The following FRMD6 variants were observed in gnomAD, a reference collection of about 807,000 sequenced individuals.
FRMD6 encodes FERM domain containing 6.
Under a neutral mutation model 73.2 loss-of-function variants are expected in FRMD6, and 37 were observed. That is an observed-to-expected ratio of 0.51 (90% CI 0.39 to 0.66). The LOEUF is 0.66. Among genes scored for constraint, FRMD6 ranks in the 30% least tolerant of loss-of-function variants. FRMD6 has a pLI of 0.00. For synonymous variants in FRMD6, 273 were observed against 282.2 expected (o/e 0.97, Z 0.33); for missense variants, 714 against 780.5 (o/e 0.91, Z 1.02).
In FRMD6 at chr14:51,638,690, T is replaced by A. The variant is rs553053183; in HGVS notation, c.-146-51001T>A. The stretch of plus-strand genomic sequence containing the variant: ...TGAAGGACAAAAGCTGAGTTGCAGA[T>A]GGAATGTAGAGGGGTGTAGCAACCT... On this transcript the variant is annotated intron_variant, in intron 2 of 14. Transcript: ENST00000356218. Among the ~76,000 whole-genome samples, 7 of 152,320 alleles carry A rather than the reference T, an allele frequency of 4.6e-5. No individual in the cohort carries two copies. In the South Asian group the frequency reaches 8.3e-4, roughly 18 times the overall value.
chr14:51,482,133 T>C, the FRMD6 span, among the ~76,000 whole-genome samples: 1 of 152,222 alleles, frequency 6.6e-6, no homozygotes, highest in Non-Finnish European at 1.5e-5. Context: ...CTCAACTTGA[T>C]TAGTGTTTTC....
the FRMD6 span, among the ~76,000 whole-genome samples, chr14:51,433,110 A>G: frequency 2.0e-5 from 3 of 152,220 alleles, no homozygotes; most frequent in African/African-American, 7.2e-5. Context: ...AGCTGGTACA[A>G]CCTTTTAAAA....
At chr14:51,421,880 C>T in the FRMD6 span, among the ~76,000 whole-genome samples, 1 of 152,184 alleles carries the variant, frequency 6.6e-6, no homozygotes, top group South Asian at 2.1e-4. Flanking sequence ...TCCCCTTGCT[C>T]TGGTGGCACT....
chr14:51,551,800 T>TAAATGCATATAATATA (rs1428131620), intron 1 of FRMD6, among the ~76,000 whole-genome samples: 1 of 151,726 alleles, frequency 6.6e-6, no homozygotes, highest in African/African-American at 2.4e-5. Context: ...AATATACAAA[T>TAAATGCATATAATATA]AAATGCATAT....
rs544686766 is a variant in FRMD6, at chr14:51,630,626, A to C, written c.-146-59065A>C. 1.4e-4 allele frequency among the ~76,000 whole-genome samples: 21 copies of C among 152,260 alleles called. No homozygotes were observed. In the East Asian group the frequency reaches 2.1e-3, roughly 15 times the overall value. On this transcript the variant is annotated intron_variant, in intron 2 of 14. Coordinates refer to the FRMD6 transcript ENST00000356218. ...GCCAGGCATGGTGGCATGCGCCTGT[A>C]GTCCCAGCTACTTGGGAGGCTGAGG...
At chr14:51,658,784 A>G (rs1184678015) in intron 1 of FRMD6, among the ~76,000 whole-genome samples, 1 of 152,148 alleles carries the variant, frequency 6.6e-6, no homozygotes, top group African/African-American at 2.4e-5. Flanking sequence ...TCATGTATAC[A>G]TTTTATTTTA....
At chr14:51,688,955 A>G (rs1456410766) in intron 1 of FRMD6, among the ~76,000 whole-genome samples, 1 of 152,212 alleles carries the variant, frequency 6.6e-6, no homozygotes, top group Non-Finnish European at 1.5e-5. Flanking sequence ...AACTAATTAG[A>G]TATGAGAGGC....
chr14:51,421,071 G>A, the FRMD6 span, among the ~76,000 whole-genome samples: 13 of 152,172 alleles, frequency 8.5e-5, no homozygotes, highest in South Asian at 1.2e-3. Context: ...CCACTGTGCC[G>A]GCTGTTTTTA....
intron 1 of FRMD6, among the ~76,000 whole-genome samples, chr14:51,673,958 A>C (rs1224194011): frequency 6.6e-6 from 1 of 152,202 alleles, no homozygotes; most frequent in Non-Finnish European, 1.5e-5. Flanking sequence ...GACCTCAGCT[A>C]CAGTTTTCAG....
At chr14:51,669,638 T>A (rs1209589610) in intron 1 of FRMD6, among the ~76,000 whole-genome samples, 1 of 152,234 alleles carries the variant, frequency 6.6e-6, no homozygotes, top group Non-Finnish European at 1.5e-5. Context: ...AAGTGCTTAT[T>A]TGCTATTTGT....
At chr14:51,702,615 C>T (rs764374763) in intron 5 of FRMD6, 27 bp downstream of exon 5, 151 of 1,575,478 alleles carry the variant, frequency 9.6e-5, no homozygotes, top group Middle Eastern at 3.4e-4. Context: ...TGATTCTAAA[C>T]GCTTTTTTTT....
In FRMD6 at chr14:51,589,349, G is replaced by GTT. The variant is rs1566487674; in HGVS notation, c.-147+18939_-147+18940insTT. ...TTGTTTTGGTTGGGTTTTTGTTTTT[G>GTT]GTTTTTTTTGTTGTTGTTGTTGTTT... On this transcript the variant is annotated intron_variant, in intron 2 of 14. Transcript: ENST00000356218. Among the ~76,000 whole-genome samples the GTT allele has an allele frequency of 9.4e-4, 20 of 21,226 alleles. No individual in the cohort carries two copies. The South Asian group carries it at 0.038, about 40-fold the overall frequency. The allele number at this position is 21,226 out of a possible 152,430, so 13.9% of individuals were successfully genotyped here.
chr14:51,470,149 A>G, the FRMD6 span, among the ~76,000 whole-genome samples: 1 of 152,036 alleles, frequency 6.6e-6, no homozygotes, highest in Non-Finnish European at 1.5e-5. Flanking sequence ...TTCCTTAGTG[A>G]TTTGTGTTTC....
the FRMD6 span, among the ~76,000 whole-genome samples, chr14:51,412,587 C>T: frequency 3.3e-5 from 5 of 152,138 alleles, no homozygotes; most frequent in Non-Finnish European, 7.3e-5. Context: ...CGCGGTGGCT[C>T]ACGCCTGTAA....
chr14:51,591,041 A>G (rs74054650), intron 2 of FRMD6, among the ~76,000 whole-genome samples: 6,828 of 152,182 alleles, frequency 0.045, 204 homozygotes, highest in Middle Eastern at 0.085. Context: ...CACTGACCCA[A>G]TGGCAGCTGC....
chr14:51,413,557 C>A, the FRMD6 span, among the ~76,000 whole-genome samples: 1 of 152,280 alleles, frequency 6.6e-6, no homozygotes, highest in East Asian at 1.9e-4. Context: ...TCCAGTCTAT[C>A]ATTGATGGAC....
chr14:51,446,317 A>G, the FRMD6 span, among the ~76,000 whole-genome samples: 2 of 152,138 alleles, frequency 1.3e-5, 1 homozygote, highest in Admixed American at 1.3e-4. Context: ...AATTTACCCT[A>G]TAAATACTGA....
intron 1 of FRMD6, among the ~76,000 whole-genome samples, chr14:51,561,581 T>C (rs947498688): frequency 6.6e-6 from 1 of 152,220 alleles, no homozygotes; most frequent in Admixed American, 6.5e-5. Context: ...AAAGATTATA[T>C]TGAATTTGAC....
intron 2 of FRMD6, among the ~76,000 whole-genome samples, chr14:51,625,167 C>T (rs1891069897): frequency 6.6e-6 from 1 of 152,268 alleles, no homozygotes; most frequent in Admixed American, 6.5e-5. Context: ...AGTTTGGGGG[C>T]ACCTTCATGA....
Sources: allele counts gnomAD v4.1 joint callset (sites outside exome capture counted in the v4.1 genomes callset), GRCh38; gene constraint gnomAD v4.1.1; transcripts MANE v1.5; gene names NCBI Gene and HGNC (gene_info 2026-07-23, HGNC 2026-07-21).